The following SEMA6A variants were observed in gnomAD, a reference collection of about 807,000 sequenced individuals.
SEMA6A encodes the protein semaphorin 6A, also known as semaphorin-6A.
SEMA6A carries 25 observed loss-of-function variants against 96.8 expected under a neutral mutation model. The ratio of observed to expected loss-of-function variants is 0.26; its 90% CI spans 0.19 to 0.36. The LOEUF is 0.36. Ranked by LOEUF, SEMA6A falls within the 10% of genes least tolerant of loss-of-function variation. The pLI is 1.00. For missense variants in SEMA6A, 1,363 were observed against 1,323.1 expected, an observed-to-expected ratio of 1.03 and a Z score of -0.47; for synonymous variants, 612 against 518.0, an observed-to-expected ratio of 1.18 and a Z score of -2.46.
intron 1 of SEMA6A, among the ~76,000 whole-genome samples, chr5:116,564,170 T>A (rs1760931988): frequency 6.6e-6 from 1 of 152,264 alleles, no homozygotes; most frequent in Admixed American, 6.5e-5. Context: ...AAATGCTTGT[T>A]GATCTTACAC....
intron 3 of SEMA6A, 142 bp from the exon 4 acceptor site, chr5:116,497,529 C>G (rs1311473636): frequency 3.6e-6 from 2 of 553,562 alleles, no homozygotes; most frequent in Non-Finnish European, 6.5e-6. Flanking sequence ...AAGAGCGCAG[C>G]CTTCAAGAGA....
At chr5:116,495,805 T>G (rs1757569325) in intron 5 of SEMA6A, 1 of 383,652 alleles carries the variant, frequency 2.6e-6, no homozygotes, top group South Asian at 2.9e-5. Context: ...TTAATTTTAA[T>G]GCCAGATGCT....
chr5:116,563,511 CA>C (rs1480728926), intron 1 of SEMA6A, among the ~76,000 whole-genome samples: 4 of 152,192 alleles, frequency 2.6e-5, no homozygotes, highest in Non-Finnish European at 5.9e-5. Context: ...TACCTAAATA[CA>C]GCCTCCAAGG....
intron 1 of SEMA6A, among the ~76,000 whole-genome samples, chr5:116,559,528 TAC>T (rs1488568518): frequency 9.9e-5 from 15 of 152,184 alleles, no homozygotes; most frequent in Middle Eastern, 3.4e-3. Context: ...CTGGGCTCAT[TAC>T]AACAGCGCGT....
intron 18 of SEMA6A, among the ~76,000 whole-genome samples, chr5:116,459,580 A>T (rs1471735363): frequency 6.6e-6 from 1 of 152,140 alleles, no homozygotes; most frequent in Non-Finnish European, 1.5e-5. Context: ...CTGTAATTTC[A>T]CAGTGTGGTA....
At chr5:116,487,544 T>C (rs1423124978) in intron 9 of SEMA6A, among the ~76,000 whole-genome samples, 1 of 151,768 alleles carries the variant, frequency 6.6e-6, no homozygotes, top group African/African-American at 2.4e-5. Flanking sequence ...AACTGTTGAG[T>C]ATACCTGGAA....
intron 17 of SEMA6A, chr5:116,472,148 T>A (rs1369590440): frequency 1.3e-5 from 2 of 152,174 alleles, no homozygotes; most frequent in East Asian, 1.9e-4. Context: ...TAATAAATAT[T>A]TGGGGGTACC....
intron 18 of SEMA6A, among the ~76,000 whole-genome samples, chr5:116,464,235 A>T (rs1351563274): frequency 6.6e-6 from 1 of 152,208 alleles, no homozygotes; most frequent in Non-Finnish European, 1.5e-5. Flanking sequence ...CCAAGACAGA[A>T]GTAGTCAGGG....
chr5:116,464,282 C>T (rs910915897), intron 18 of SEMA6A, among the ~76,000 whole-genome samples: 1 of 152,092 alleles, frequency 6.6e-6, no homozygotes, highest in African/African-American at 2.4e-5. Context: ...TTAAAGGGCT[C>T]GCTCTAGAGG....
At position 116,491,805 on chromosome 5, in the gene SEMA6A, T is replaced by C; in HGVS notation, c.470A>G (p.Asp157Gly). Reference sequence around the variant, plus strand: ...GCATCTGGCCATTCCGCTGAATTCATCCCCGAATGGTTCCAATGTATCCAT... The same window carrying C: ...GCATCTGGCCATTCCGCTGAATTCACCCCCGAATGGTTCCAATGTATCCAT... ...YKMDTLEPFG[D>G]EFSGMARCPY... Residue 157 changes from aspartate (D) to glycine (G), a missense_variant, in exon 7 of 19, where the codon GAT (aspartate) becomes GGT (glycine). This residue lies in a region of SEMA6A where 480 missense variants were observed against 559.5 expected (regional missense o/e 0.86). Coordinates refer to ENST00000343348, the MANE Select transcript of SEMA6A (RefSeq NM_020796.5). 6.2e-7 allele frequency: 1 copy of C among 1,613,440 alleles called. No individual in the cohort carries two copies. The highest frequency in any genetic ancestry group is 8.5e-7 in the Non-Finnish European group (1 of 1,179,428).
chr5:116,487,599 C>T (rs1305334831), intron 9 of SEMA6A, among the ~76,000 whole-genome samples: 3 of 152,016 alleles, frequency 2.0e-5, no homozygotes, highest in African/African-American at 7.2e-5. Context: ...TGCGGAGGCT[C>T]ATGTCTGTAA....
intron 6 of SEMA6A, chr5:116,492,569 A>C (rs1757379774): frequency 6.6e-6 from 1 of 152,236 alleles, no homozygotes; most frequent in African/African-American, 2.4e-5. Flanking sequence ...GGTTTAGAGA[A>C]TAGGAGGAAA....
rs114426867 is a variant in SEMA6A, at chr5:116,543,322, T to C, written c.-39+30863A>G. On this transcript the variant is annotated intron_variant, in intron 1 of 18. Transcript: ENST00000343348. ...GCAAAGCAACCCAGTTCAGAAAAGG[T>C]TCTCTCCCACTTCAAACTTCACTAT... 4.1e-3 allele frequency among the ~76,000 whole-genome samples: 618 copies of C among 152,336 alleles called. 6 individuals carry two copies. Among genetic ancestry groups the C allele is most frequent in the African/African-American group, 0.014 (585 of 41,566 alleles).
rs750386162 is a variant in SEMA6A at position 116,447,674 on chromosome 5, G to T, written c.2032C>A (p.Arg678Ser). Reference sequence around the variant, plus strand: ...CGCTGCACCACAGCCACGTCTTTGCGCCGATGATCACAGACGCAGTAGACG... The same window carrying T: ...CGCTGCACCACAGCCACGTCTTTGCTCCGATGATCACAGACGCAGTAGACG... The part of the protein sequence containing the change: ...ITVYCVCDHR[R>S]KDVAVVQRKE... Residue 678 changes from arginine (R) to serine (S), a missense_variant, in exon 19 of 19, where the codon CGC (arginine) becomes AGC (serine). By Grantham distance (110) the Arg-to-Ser change is moderately radical (BLOSUM62 -1). Around this residue, in one of 2 missense-constraint regions of SEMA6A, gnomAD observed 883 missense variants for 763.6 expected, o/e 1.16. Transcript: ENST00000343348. The T allele has an allele frequency of 6.2e-7, 1 of 1,614,018 alleles. No homozygotes were observed. The highest frequency in any genetic ancestry group is 1.1e-5 in the South Asian group (1 of 91,092).
chr5:116,520,067 G>C (rs375493805), intron 1 of SEMA6A, among the ~76,000 whole-genome samples: 1 of 152,036 alleles, frequency 6.6e-6, no homozygotes, highest in East Asian at 1.9e-4. Context: ...CCACCCAACT[G>C]GTTGACCCCA....
intron 3 of SEMA6A, among the ~76,000 whole-genome samples, chr5:116,498,071 AAG>A (rs1161991619): frequency 6.6e-6 from 1 of 152,306 alleles, no homozygotes; most frequent in East Asian, 1.9e-4. Flanking sequence ...GAAGGGGAGA[AAG>A]AGAATCAGCA....
At chr5:116,529,501 C>T (rs1352710167) in intron 1 of SEMA6A, among the ~76,000 whole-genome samples, 1 of 152,010 alleles carries the variant, frequency 6.6e-6, no homozygotes, top group African/African-American at 2.4e-5. Flanking sequence ...CAAAATTTCA[C>T]ACAGTATCCC....
At chr5:116,459,949 G>C (rs1487443764) in intron 18 of SEMA6A, among the ~76,000 whole-genome samples, 1 of 152,044 alleles carries the variant, frequency 6.6e-6, no homozygotes, top group Admixed American at 6.6e-5. Context: ...CAAAGGAAAG[G>C]TTGCTGTCTT....
chr5:116,474,814 A>G (rs935076677), intron 16 of SEMA6A, among the ~76,000 whole-genome samples: 1 of 152,226 alleles, frequency 6.6e-6, no homozygotes, highest in African/African-American at 2.4e-5. Flanking sequence ...GCACAAACTA[A>G]ACATATTTTC....
Sources: gnomAD v4.1 joint callset for allele counts (sites outside exome capture counted in the v4.1 genomes callset) on GRCh38, gnomAD v4.1.1 for gene constraint, gnomAD v4.1.1 regional missense constraint, MANE v1.5 for transcripts, NCBI Gene and HGNC (gene_info 2026-07-23, HGNC 2026-07-21) for gene names.